SLC9A6: variants seen among roughly 807,000 people sequenced by gnomAD.
The protein encoded by SLC9A6 is solute carrier family 9 member A6.
Under a neutral mutation model 45.3 loss-of-function variants are expected in SLC9A6, and 6 were observed. That is an observed-to-expected ratio of 0.13 (90% CI 0.07 to 0.26). The LOEUF (loss-of-function observed/expected upper bound fraction) is 0.26. SLC9A6 is among the 10% of genes least tolerant of loss of function. SLC9A6 has a pLI of 1.00. For synonymous variants in SLC9A6, 191 were observed against 187.7 expected, an observed-to-expected ratio of 1.02 and a Z score of -0.14; for missense variants, 278 against 503.7, an observed-to-expected ratio of 0.55 and a Z score of 4.29.
intron 6 of SLC9A6, among the ~76,000 whole-genome samples, chrX:136,001,828 C>T (rs1311853941): frequency 1.8e-5 from 2 of 112,127 alleles, no homozygotes; most frequent in African/African-American, 6.5e-5. Flanking sequence ...GTACAAGACA[C>T]GATTATTAAC....
chrX:135,985,302 G>A (rs1191392185), upstream of SLC9A6: 5 of 293,706 alleles, frequency 1.7e-5, no homozygotes, highest in Non-Finnish European at 2.9e-5. Flanking sequence ...GGCAGCGCCT[G>A]TGGGTGCGTG....
chrX:136,007,696 G>A (rs961574891), intron 7 of SLC9A6, among the ~76,000 whole-genome samples: 10 of 111,278 alleles, frequency 9.0e-5, no homozygotes, highest in Non-Finnish European at 1.9e-4. Flanking sequence ...ATACTTTTCT[G>A]TAGCTTTTTT....
chrX:136,003,185 C>T (rs181447408), intron 7 of SLC9A6, among the ~76,000 whole-genome samples: 12 of 108,849 alleles, frequency 1.1e-4, no homozygotes, highest in Admixed American at 3.9e-4. Context: ...GACGGGGTTT[C>T]ACCATGTTGG....
chrX:135,996,049 T>C lies in SLC9A6; in HGVS notation c.369+1064T>C, dbSNP rs1222829354. Reference sequence around the variant, plus strand: ...TTTTTTTTTTTTTTTTTTTTTTTTTTGACACAGGGTTTTACTCTGTCACCC... The same window carrying C: ...TTTTTTTTTTTTTTTTTTTTTTTTTCGACACAGGGTTTTACTCTGTCACCC... On this transcript the variant is annotated intron_variant, in intron 3 of 17. Coordinates refer to ENST00000630721, the MANE Select transcript of SLC9A6 (RefSeq NM_001379110.1). Among the ~76,000 whole-genome samples, 268 of 96,644 alleles carry C rather than the reference T, an allele frequency of 2.8e-3. 3 individuals carry two copies. The highest frequency in any genetic ancestry group is 0.01 in the African/African-American group (255 of 24,905). The allele number at this position is 96,644 out of a possible 115,157, so 83.9% of individuals were successfully genotyped here. A position where few individuals can be genotyped will look rare whatever the true frequency, so the allele number is the denominator to read the frequency against.
rs372011887 is a variant in SLC9A6 at position 135,976,407 on chromosome X, C to G, written c.-57+1624C>G. 5.4e-5 allele frequency among the ~76,000 whole-genome samples: 6 copies of G among 111,234 alleles called. No individual in the cohort carries two copies. In the South Asian group the frequency reaches 1.5e-3, roughly 28 times the overall value. On this transcript the variant is annotated intron_variant, in intron 1 of 16. Transcript: ENST00000636092. ...AAAATTACCCCTTCTTCCAGACCAG[C>G]CTGGCCAACATGGTGAAACCCCATC... is the stretch of plus-strand genomic sequence containing the variant.
At chrX:136,007,795 T>G in intron 7 of SLC9A6, among the ~76,000 whole-genome samples, 1 of 112,038 alleles carries the variant, frequency 8.9e-6, no homozygotes, top group Middle Eastern at 4.7e-3. Context: ...ATTGATTGAT[T>G]AATATTTGGT....
At chrX:135,996,690 C>T (rs1039687916) in intron 3 of SLC9A6, among the ~76,000 whole-genome samples, 2 of 111,461 alleles carry the variant, frequency 1.8e-5, no homozygotes, top group Non-Finnish European at 3.8e-5. Context: ...ATACTGTACT[C>T]TTAAGTTTTA....
At chrX:136,019,356 G>A (rs1256337249) in intron 11 of SLC9A6, among the ~76,000 whole-genome samples, 1 of 112,209 alleles carries the variant, frequency 8.9e-6, no homozygotes, top group African/African-American at 3.2e-5. Flanking sequence ...CTGTCTGCCC[G>A]TTGCCTTGAA....
chrX:136,019,185 A>T (rs1425162259), intron 11 of SLC9A6, among the ~76,000 whole-genome samples: 1 of 112,357 alleles, frequency 8.9e-6, no homozygotes, highest in African/African-American at 3.2e-5. Flanking sequence ...GAAAAGACTC[A>T]AACTAATCCA....
intron 13 of SLC9A6, among the ~76,000 whole-genome samples, chrX:136,027,954 T>G (rs1050361209): frequency 8.9e-6 from 1 of 112,332 alleles, no homozygotes; most frequent in Non-Finnish European, 1.9e-5. Context: ...TACACATGCT[T>G]TGCACTTCTG....
At chrX:135,973,931 G>A, upstream of SLC9A6, 2 of 1,131,389 alleles carry the variant, frequency 1.8e-6, no homozygotes, top group Non-Finnish European at 1.2e-6. Flanking sequence ...AGGAGGGCCG[G>A]AGCCCAACGG....
rs782311537 is a variant in SLC9A6 at position 135,992,440 on chromosome X, A to T, written c.170-2346A>T. On this transcript the variant is annotated intron_variant, in intron 2 of 17. Coordinates refer to ENST00000630721, the MANE Select transcript of SLC9A6 (RefSeq NM_001379110.1). The stretch of plus-strand genomic sequence containing the variant: ...TGCTATCAAGCCTCTGCCTTCTATG[A>T]CTTCATTTTACTTTTGGGATAAACT... Among the ~76,000 whole-genome samples the T allele has an allele frequency of 2.7e-5, 3 of 111,678 alleles. No homozygotes were observed. In the South Asian group the frequency reaches 1.1e-3, roughly 42 times the overall value.
At chrX:135,977,882 G>T (rs1346892459) in intron 1 of SLC9A6, among the ~76,000 whole-genome samples, 3 of 109,770 alleles carry the variant, frequency 2.7e-5, no homozygotes, top group Non-Finnish European at 5.7e-5. Context: ...CTTGCTGGAT[G>T]ATCTACACTA....
rs181770694 is a variant in SLC9A6 at position 135,977,282 on chromosome X, G to T, written c.-57+2499G>T. On this transcript the variant is annotated intron_variant, in intron 1 of 16. Coordinates refer to the SLC9A6 transcript ENST00000636092. ...TGATGTGGATGTTATTAAAGATGGG[G>T]ATAATGGTCTCTAAAGCGTTTCCTA... Among the ~76,000 whole-genome samples the T allele has an allele frequency of 2.7e-5, 3 of 112,307 alleles. No homozygotes were observed. The East Asian group carries it at 8.4e-4, about 31-fold the overall frequency.
At chrX:136,012,717 A>T (rs2070946975) in intron 8 of SLC9A6, among the ~76,000 whole-genome samples, 1 of 112,438 alleles carries the variant, frequency 8.9e-6, no homozygotes, top group South Asian at 3.7e-4. Context: ...GATACCCGTG[A>T]AACAATTGGA....
rs782262088 is a variant in SLC9A6, at chrX:135,998,495, G to A, written c.461G>A (p.Arg154Gln). ...TTTTTTTGTCAGAGACATTTTTTTC[G>A]AAATCTTGGGTCTATCCTAGCATAC... ...GYSLKRRHFF[R>Q]NLGSILAYAF... The change falls in exon 5 of 18, where the codon CGA (arginine) becomes CAA (glutamine). Residue 154 changes from arginine to glutamine, a missense_variant. Arg to Gln is a conservative substitution (Grantham distance 43). Transcript: ENST00000630721. The A allele has an allele frequency of 1.2e-5, 14 of 1,143,884 alleles. No homozygotes were observed. Among genetic ancestry groups the A allele is most frequent in the East Asian group, 3.1e-5 (1 of 32,220 alleles). 94.3% of individuals were successfully genotyped at this position (1,143,884 alleles called of 1,213,427 possible). A position where few individuals can be genotyped will look rare whatever the true frequency, so the allele number is the denominator to read the frequency against.
chrX:135,977,376 A>C (rs2089267553), intron 1 of SLC9A6, among the ~76,000 whole-genome samples: 1 of 111,971 alleles, frequency 8.9e-6, no homozygotes, highest in African/African-American at 3.3e-5. Flanking sequence ...AAGCACTGCT[A>C]TCCCAGACTC....
At chrX:135,987,894 G>C (rs1282306080) in intron 2 of SLC9A6, among the ~76,000 whole-genome samples, 1 of 111,047 alleles carries the variant, frequency 9.0e-6, no homozygotes, top group Admixed American at 9.7e-5. Context: ...TTTTAGACTA[G>C]TAACTGACCC....
chrX:136,023,186 T>C (rs1232775981), intron 12 of SLC9A6, among the ~76,000 whole-genome samples: 1 of 35,354 alleles, frequency 2.8e-5, no homozygotes, highest in Non-Finnish European at 4.7e-5. Context: ...TATATATATA[T>C]ATATATATAT....
Sources: allele counts gnomAD v4.1 joint callset (sites outside exome capture counted in the v4.1 genomes callset), GRCh38; gene constraint gnomAD v4.1.1; transcripts MANE v1.5; gene names NCBI Gene and HGNC (gene_info 2026-07-23, HGNC 2026-07-21).